Variants in MUC15 observed in about 807,000 individuals in gnomAD.
MUC15 encodes mucin 15, cell surface associated.
In MUC15, 23 loss-of-function variants were observed where a neutral mutation model predicts 24.0. The ratio of observed to expected loss-of-function variants is 0.96; its 90% CI spans 0.69 to 1.36. The LOEUF (loss-of-function observed/expected upper bound fraction) is 1.36, where lower values mean the gene tolerates loss of function less well. Among genes scored for constraint, MUC15 ranks in the 40% most tolerant of loss-of-function variants. MUC15 has a pLI of 0.00. For synonymous variants in MUC15, 151 were observed against 156.3 expected (o/e 0.97, Z 0.25); for missense variants, 442 against 428.2 (o/e 1.03, Z -0.29).
chr11:26,567,905 T>G (rs1328124017), intron 1 of MUC15, among the ~76,000 whole-genome samples: 11 of 151,974 alleles, frequency 7.2e-5, no homozygotes, highest in Non-Finnish European at 7.4e-5. Flanking sequence ...AGTTGTATTG[T>G]GTGATTTCAT....
Position 26,561,163 on chromosome 11 carries a change from T to A in MUC15, c.988A>T (p.Asn330Tyr). The A allele has an allele frequency of 6.2e-7, 1 of 1,612,840 alleles. No individual in the cohort carries two copies. Among genetic ancestry groups the A allele is most frequent in the East Asian group, 2.2e-5 (1 of 44,802 alleles). ...DVSFGNSSYY[N>Y]PTLNDSAMPE... Reference sequence around the variant, plus strand: ...ATGGCTGAATCATTCAAAGTTGGATTGTAGTAGCTAGAATTCCCAAAACTC... The same window carrying A: ...ATGGCTGAATCATTCAAAGTTGGATAGTAGTAGCTAGAATTCCCAAAACTC... The change falls in exon 5 of 5, where the codon AAT becomes TAT. Residue 330 changes from asparagine (N) to tyrosine (Y), a missense_variant. Coordinates refer to ENST00000529533, the MANE Select transcript of MUC15 (RefSeq NM_001135091.2).
intron 1 of MUC15, 55 bp from the exon 2 acceptor site, chr11:26,567,194 T>C (rs1850622971): frequency 1.8e-6 from 2 of 1,138,926 alleles, no homozygotes; most frequent in Non-Finnish European, 2.3e-6. Flanking sequence ...CCAATCTCAT[T>C]AGAGGCTAAA....
At position 26,559,826 on chromosome 11, in the gene MUC15, T is replaced by C. The variant is rs370764625; in HGVS notation, c.*1239A>G. 1.9e-5 allele frequency: 24 copies of C among 1,231,758 alleles called. No homozygotes were observed. Among genetic ancestry groups the C allele is most frequent in the African/African-American group, 4.9e-5 (3 of 61,578 alleles). 76.3% of individuals were successfully genotyped at this position (1,231,758 alleles called of 1,614,324 possible). On this transcript the variant is annotated 3_prime_UTR_variant, in exon 5 of 5. Coordinates refer to ENST00000529533, the MANE Select transcript of MUC15 (RefSeq NM_001135091.2). ...TTCTATCCCTTATTTTCTGAAGCTG[T>C]TTCTGTGTTACACACACACACACAC...
chr11:26,564,355 G>T (rs1362721009), intron 3 of MUC15, among the ~76,000 whole-genome samples: 1 of 151,308 alleles, frequency 6.6e-6, no homozygotes, highest in Non-Finnish European at 1.5e-5. Context: ...TTGTATATAT[G>T]ATTTGTTTTT....
At position 26,572,188 on chromosome 11, in the gene MUC15, G is replaced by A; in HGVS notation, c.-193C>T. On this transcript the variant is annotated 5_prime_UTR_variant, in exon 1 of 5. Coordinates refer to ENST00000529533, the MANE Select transcript of MUC15 (RefSeq NM_001135091.2). ...GAGGGTGCCAGGGAAACAAAATTAG[G>A]TGGGGCTGGCTGTATCTTGCTTGTG... 1 of 985,442 alleles carries A rather than the reference G, an allele frequency of 1.0e-6. No individual in the cohort carries two copies. Among genetic ancestry groups the A allele is most frequent in the Non-Finnish European group, 1.2e-6 (1 of 830,044 alleles). The allele number at this position is 985,442 out of a possible 1,614,324, so 61.0% of individuals were successfully genotyped here. A position where few individuals can be genotyped will look rare whatever the true frequency, so the allele number is the denominator to read the frequency against.
In MUC15 at chr11:26,565,638, G is replaced by A. The variant is rs1850544519; in HGVS notation, c.302C>T (p.Pro101Leu). The A allele has an allele frequency of 6.2e-7, 1 of 1,610,042 alleles. No homozygotes were observed. Among genetic ancestry groups the A allele is most frequent in the Non-Finnish European group, 8.5e-7 (1 of 1,177,176 alleles). Reference sequence around the variant, plus strand: ...GTGGCTGTTGTTGGGTAGATTCAAAGGAGGGGAATGACTCGCCTTGAGATT... The same window carrying A: ...GTGGCTGTTGTTGGGTAGATTCAAAAGAGGGGAATGACTCGCCTTGAGATT... ...TSNLKASHSPPLNLPNNSHGI... is the reference protein window; with the variant it reads ...TSNLKASHSPLLNLPNNSHGI... Residue 101 changes from proline to leucine, a missense_variant, in exon 3 of 5, where the codon CCT becomes CTT. Coordinates refer to ENST00000529533, the MANE Select transcript of MUC15 (RefSeq NM_001135091.2).
At chr11:26,566,292 C>T (rs889277707) in intron 2 of MUC15, among the ~76,000 whole-genome samples, 8 of 151,932 alleles carry the variant, frequency 5.3e-5, no homozygotes, top group African/African-American at 1.7e-4. Flanking sequence ...CCATGTAGAG[C>T]TGGCTGATTT....
rs1850518266 is a variant in MUC15 at position 26,565,208 on chromosome 11, G to A, written c.732C>T (p.Thr244=). The stretch of plus-strand genomic sequence containing the variant: ...TATTTGGAAAGAGTTTTGAATTATT[G>A]GTGAATTTTAAGGTAGGCTGTAGAG... ...KTTLQPTLKF[T]NNSKLFPNTS... The change falls in exon 3 of 5, where the codon ACC becomes ACT. Residue 244 remains threonine (T), a synonymous_variant. Transcript: ENST00000529533. The A allele has an allele frequency of 6.6e-7, 1 of 1,509,704 alleles. No homozygotes were observed. Among genetic ancestry groups the A allele is most frequent in the South Asian group, 1.3e-5 (1 of 74,194 alleles). 93.5% of individuals were successfully genotyped at this position (1,509,704 alleles called of 1,614,324 possible). A position where few individuals can be genotyped will look rare whatever the true frequency, so the allele number is the denominator to read the frequency against.
At chr11:26,565,045 A>C in intron 3 of MUC15, 120 bp downstream of exon 3, 1 of 1,006,136 alleles carries the variant, frequency 9.9e-7, no homozygotes, top group South Asian at 2.6e-5. Flanking sequence ...AAGTGAGAAA[A>C]TCCATGCTAT....
At chr11:26,563,383 G>A (rs1000115096) in intron 3 of MUC15, 118 bp from the exon 4 acceptor site, 8 of 1,025,014 alleles carry the variant, frequency 7.8e-6, no homozygotes, top group Non-Finnish European at 1.1e-5. Context: ...AGATAATGGT[G>A]TGTTTCTCTC....
chr11:26,570,774 G>A (rs1469159425), intron 1 of MUC15, among the ~76,000 whole-genome samples: 2 of 152,074 alleles, frequency 1.3e-5, no homozygotes, highest in Non-Finnish European at 2.9e-5. Context: ...GGAAGAACTT[G>A]AGTGTTACTC....
chr11:26,567,256 T>G, intron 1 of MUC15, 117 bp from the exon 2 acceptor site: 1 of 623,646 alleles, frequency 1.6e-6, no homozygotes. Context: ...GACTTTTTTT[T>G]CCTCAAGCAA....
chr11:26,569,698 T>C (rs1429956935), intron 1 of MUC15, among the ~76,000 whole-genome samples: 1 of 152,088 alleles, frequency 6.6e-6, no homozygotes, highest in African/African-American at 2.4e-5. Context: ...TTTACTTTCG[T>C]GTGTGCTTTC....
chr11:26,570,510 G>A (rs1850781147), intron 1 of MUC15, among the ~76,000 whole-genome samples: 1 of 152,036 alleles, frequency 6.6e-6, no homozygotes, highest in Admixed American at 6.6e-5. Context: ...CCATATAAGG[G>A]CAAAGAAATG....
chr11:26,561,019 A>G lies in MUC15; in HGVS notation c.*46T>C, dbSNP rs761684844. 4.1e-5 allele frequency: 64 copies of G among 1,551,290 alleles called. No individual in the cohort carries two copies. Among genetic ancestry groups the G allele is most frequent in the Non-Finnish European group, 5.6e-5 (64 of 1,142,250 alleles). Reference sequence around the variant, plus strand: ...TGAAAGATGAATTTGTCAAAAGGCTAGGATGTAGATGACACTTGCTGTTTA... The same window carrying G: ...TGAAAGATGAATTTGTCAAAAGGCTGGGATGTAGATGACACTTGCTGTTTA... On this transcript the variant is annotated 3_prime_UTR_variant, in exon 5 of 5. Coordinates refer to ENST00000529533, the MANE Select transcript of MUC15 (RefSeq NM_001135091.2).
chr11:26,562,580 A>T (rs954937284), intron 4 of MUC15, among the ~76,000 whole-genome samples: 1 of 151,928 alleles, frequency 6.6e-6, no homozygotes, highest in African/African-American at 2.4e-5. Flanking sequence ...CCATCATATG[A>T]GTGGAAAATT....
intron 3 of MUC15, among the ~76,000 whole-genome samples, chr11:26,564,732 CAT>C (rs66510170): frequency 2.8e-3 from 71 of 25,378 alleles, no homozygotes; most frequent in East Asian, 9.8e-3. Flanking sequence ...CACACACACA[CAT>C]ATATATATAT....
At chr11:26,567,171 A>T (rs930096233) in intron 1 of MUC15, 32 bp from the exon 2 acceptor site, 5 of 1,307,996 alleles carry the variant, frequency 3.8e-6, no homozygotes, top group Admixed American at 3.2e-5. Context: ...ATTTAAAGCC[A>T]AGTCAACTGA....
rs531639939 is a variant in MUC15, at chr11:26,561,189, A to G, written c.962T>C (p.Val321Ala). ...RLDNAPEPYD[V>A]SFGNSSYYNP... ...GTAGTAGCTAGAATTCCCAAAACTC[A>G]CATCATAAGGTTCCGGTGCATTGTC... Residue 321 changes from valine to alanine, a missense_variant, in exon 5 of 5, where the codon GTG becomes GCG. Val to Ala is a moderately conservative substitution (Grantham distance 64, BLOSUM62 0). Transcript: ENST00000529533. 3.7e-6 allele frequency: 6 copies of G among 1,612,294 alleles called. No homozygotes were observed. In the African/African-American group the frequency reaches 4.0e-5, roughly 11 times the overall value.
Sources: gnomAD v4.1 joint callset for allele counts (sites outside exome capture counted in the v4.1 genomes callset) on GRCh38, gnomAD v4.1.1 for gene constraint, MANE v1.5 for transcripts, NCBI Gene and HGNC (gene_info 2026-07-23, HGNC 2026-07-21) for gene names.